The following ERC2 variants were observed in gnomAD, a reference collection of about 807,000 sequenced individuals.
ERC2 encodes ERC protein 2.
Under a neutral mutation model 114.8 loss-of-function variants are expected in ERC2, and 42 were observed. The ratio of observed to expected loss-of-function variants is 0.37; its 90% CI spans 0.29 to 0.47. The LOEUF (loss-of-function observed/expected upper bound fraction) is 0.47, where lower values mean the gene tolerates loss of function less well. Among genes scored for constraint, ERC2 ranks in the 20% least tolerant of loss-of-function variants. The pLI, the probability that ERC2 is intolerant of heterozygous loss-of-function variation, is 0.99. For synonymous variants in ERC2, 454 were observed against 425.5 expected, an observed-to-expected ratio of 1.07 and a Z score of -0.82; for missense variants, 939 against 1,150.7, an observed-to-expected ratio of 0.82 and a Z score of 2.66.
intron 7 of ERC2, among the ~76,000 whole-genome samples, chr3:56,058,420 C>T (rs1041837830): frequency 1.3e-5 from 2 of 152,214 alleles, no homozygotes; most frequent in Non-Finnish European, 2.9e-5. Context: ...AACTCTGCCA[C>T]CACCCCAATC....
chr3:56,033,786 ATTTCT>A (rs2074623274), intron 7 of ERC2, among the ~76,000 whole-genome samples: 1 of 151,970 alleles, frequency 6.6e-6, no homozygotes. Context: ...AGCCTACAAG[ATTTCT>A]TTTTTTTTCT....
At chr3:55,581,137 C>T (rs6778834) in intron 17 of ERC2, among the ~76,000 whole-genome samples, 22,116 of 151,966 alleles carry the variant, frequency 0.15, 1,639 homozygotes, top group Middle Eastern at 0.18. Flanking sequence ...TTTGGTTGGC[C>T]CTTGAAGGAG....
At chr3:56,292,067 G>T (rs995937411) in intron 3 of ERC2, among the ~76,000 whole-genome samples, 2 of 152,152 alleles carry the variant, frequency 1.3e-5, no homozygotes, top group Non-Finnish European at 2.9e-5. Flanking sequence ...TGCAACAAGA[G>T]AAAAGCAAGT....
At chr3:55,595,194 T>C (rs2058072950) in intron 17 of ERC2, among the ~76,000 whole-genome samples, 1 of 152,208 alleles carries the variant, frequency 6.6e-6, no homozygotes, top group Non-Finnish European at 1.5e-5. Context: ...CCTACTAATA[T>C]ACACAAGAGA....
intron 2 of ERC2, among the ~76,000 whole-genome samples, chr3:56,414,764 G>A (rs926564349): frequency 1.3e-5 from 2 of 151,062 alleles, no homozygotes; most frequent in Non-Finnish European, 3.0e-5. Flanking sequence ...AGAAAAAGAT[G>A]TCCCTTCCAC....
intron 14 of ERC2, among the ~76,000 whole-genome samples, chr3:55,882,000 A>G (rs2063137514): frequency 6.6e-6 from 1 of 152,206 alleles, no homozygotes; most frequent in South Asian, 2.1e-4. Flanking sequence ...CAGACTGAAG[A>G]AGGGTATTGC....
chr3:55,632,639 C>T (rs1460437333), intron 17 of ERC2, among the ~76,000 whole-genome samples: 2 of 152,186 alleles, frequency 1.3e-5, no homozygotes, highest in Non-Finnish European at 2.9e-5. Context: ...TGATTGCAGT[C>T]CTAATCTAGA....
rs774310801 is a variant in ERC2, at chr3:56,245,836, C to T, written c.1074+50183G>A. Among the ~76,000 whole-genome samples the T allele has an allele frequency of 5.3e-5, 8 of 152,136 alleles. No homozygotes were observed. The East Asian group carries it at 1.2e-3, about 22-fold the overall frequency. On this transcript the variant is annotated intron_variant, in intron 3 of 17. Coordinates refer to ENST00000288221, the MANE Select transcript of ERC2 (RefSeq NM_015576.3). ...GATTACAGGTGTGAGCCACCACTCCCGGCCCTTAGTTGTATTTTAAAAGCA... is the reference window on the plus strand; with the variant it reads ...GATTACAGGTGTGAGCCACCACTCCTGGCCCTTAGTTGTATTTTAAAAGCA...
chr3:56,375,521 C>T (rs945462005), intron 2 of ERC2, among the ~76,000 whole-genome samples: 8 of 152,176 alleles, frequency 5.3e-5, no homozygotes, highest in Admixed American at 2.0e-4. Context: ...CTTGGGGATA[C>T]AGCAGTCAAC....
chr3:55,915,681 G>A (rs561525702), intron 13 of ERC2, among the ~76,000 whole-genome samples: 5 of 152,230 alleles, frequency 3.3e-5, no homozygotes, highest in African/African-American at 7.2e-5. Context: ...CTGAAGGATT[G>A]GAAGCAAGAT....
chr3:55,636,399 T>C (rs1317414523), intron 17 of ERC2, among the ~76,000 whole-genome samples: 1 of 152,102 alleles, frequency 6.6e-6, no homozygotes, highest in Non-Finnish European at 1.5e-5. Flanking sequence ...TCAGCCTCCA[T>C]TTCCCCACCT....
chr3:55,538,792 T>C (rs2054172327), intron 17 of ERC2, among the ~76,000 whole-genome samples: 1 of 152,166 alleles, frequency 6.6e-6, no homozygotes, highest in Non-Finnish European at 1.5e-5. Flanking sequence ...ACTGCAAGCT[T>C]AGATGGGAAG....
At chr3:56,452,996 C>T (rs1350540532) in intron 1 of ERC2, among the ~76,000 whole-genome samples, 1 of 152,152 alleles carries the variant, frequency 6.6e-6, no homozygotes, top group Non-Finnish European at 1.5e-5. Context: ...CAGCGTTAAA[C>T]ATCTTGCAAT....
intron 13 of ERC2, among the ~76,000 whole-genome samples, chr3:55,916,304 G>A (rs1002863496): frequency 5.9e-5 from 9 of 152,190 alleles, no homozygotes; most frequent in African/African-American, 2.2e-4. Context: ...TTTACTCTTG[G>A]GTTTCCAAAT....
intron 2 of ERC2, among the ~76,000 whole-genome samples, chr3:56,405,780 T>A (rs1206696136): frequency 1.3e-5 from 2 of 152,110 alleles, no homozygotes; most frequent in African/African-American, 4.8e-5. Flanking sequence ...TTAGTTCCCA[T>A]CTTTTATCAA....
intron 2 of ERC2, among the ~76,000 whole-genome samples, chr3:56,341,833 C>T (rs1422879391): frequency 6.6e-6 from 1 of 152,270 alleles, no homozygotes; most frequent in African/African-American, 2.4e-5. Flanking sequence ...TTTCTGTTTC[C>T]TAAGCAGGGC....
chr3:55,962,456 T>A (rs1332567489), intron 12 of ERC2, among the ~76,000 whole-genome samples: 1 of 152,240 alleles, frequency 6.6e-6, no homozygotes, highest in Admixed American at 6.5e-5. Flanking sequence ...ATATATACAC[T>A]GTGTTCCAAT....
At chr3:56,389,857 A>C (rs1341218208) in intron 2 of ERC2, among the ~76,000 whole-genome samples, 1 of 152,180 alleles carries the variant, frequency 6.6e-6, no homozygotes, top group Non-Finnish European at 1.5e-5. Context: ...GCCTTTAACT[A>C]GGAAGGGTAG....
intron 2 of ERC2, among the ~76,000 whole-genome samples, chr3:56,371,598 T>A (rs1305232526): frequency 6.6e-6 from 1 of 152,222 alleles, no homozygotes; most frequent in Non-Finnish European, 1.5e-5. Context: ...GGCAGGGCCT[T>A]GTGCAAGATA....
Sources: allele counts gnomAD v4.1 joint callset (sites outside exome capture counted in the v4.1 genomes callset), GRCh38; gene constraint gnomAD v4.1.1; transcripts MANE v1.5; gene names NCBI Gene and HGNC (gene_info 2026-07-23, HGNC 2026-07-21).